The following RSPO1 variants were observed in gnomAD, a reference collection of about 807,000 sequenced individuals.
The protein encoded by RSPO1 is R-spondin-1.
In RSPO1, 18 loss-of-function variants were observed where a neutral mutation model predicts 26.0. The ratio of observed to expected loss-of-function variants is 0.69; its 90% CI spans 0.48 to 1.03. The LOEUF is 1.03. Among genes scored for constraint, RSPO1 ranks in the 50% least tolerant of loss-of-function variants. The pLI is 0.00. For synonymous variants in RSPO1, 133 were observed against 137.4 expected, an observed-to-expected ratio of 0.97 and a Z score of 0.22; for missense variants, 309 against 352.3, an observed-to-expected ratio of 0.88 and a Z score of 0.98.
intron 3 of RSPO1, among the ~76,000 whole-genome samples, chr1:37,623,177 C>G (rs1644227886): frequency 7.3e-6 from 1 of 136,800 alleles, no homozygotes; most frequent in African/African-American, 2.8e-5. Context: ...GGGTGTTTAT[C>G]AAGGGGGACA....
chr1:37,613,830 C>G lies in RSPO1; in HGVS notation c.499G>C (p.Gly167Arg). Residue 167 changes from glycine to arginine, a missense_variant, in exon 6 of 7, where the codon GGT (glycine) becomes CGT (arginine). Physicochemically the swap from Gly to Arg is moderately radical, Grantham distance 125 (BLOSUM62 -2). Transcript: ENST00000356545. This position sits in a 1 kb window ranked among gnomAD's most constrained non-coding sequence, Gnocchi z 4.5. ...CGCTCCTCGGAGCCCCTCCGGAAAC[C>G]ACAGAGCTGCTGCTTCTTGGAGCAG... Reference protein sequence around the residue: ...GPCSKKQQLCGFRRGSEERTR... With the variant: ...GPCSKKQQLCRFRRGSEERTR... 6.2e-7 allele frequency: 1 copy of G among 1,614,114 alleles called. No homozygotes were observed. Among genetic ancestry groups the G allele is most frequent in the South Asian group, 1.1e-5 (1 of 91,086 alleles).
chr1:37,626,621 C>G (rs1331263777), intron 3 of RSPO1, among the ~76,000 whole-genome samples: 3 of 152,096 alleles, frequency 2.0e-5, no homozygotes, highest in African/African-American at 7.2e-5. Flanking sequence ...ACTGGGGATT[C>G]AGTGAGGGAT....
At chr1:37,625,517 G>A (rs2148177948) in intron 3 of RSPO1, among the ~76,000 whole-genome samples, 1 of 152,202 alleles carries the variant, frequency 6.6e-6, no homozygotes, top group African/African-American at 2.4e-5. Context: ...GGCGAGGGTA[G>A]GAGGATAGGT....
At chr1:37,630,089 A>T in intron 2 of RSPO1, 140 bp from the exon 3 acceptor site, 2 of 596,106 alleles carry the variant, frequency 3.4e-6, no homozygotes, top group South Asian at 4.4e-5. Flanking sequence ...TCTAGAAGAA[A>T]TCTGCTCCTT....
At chr1:37,617,252 A>G (rs1255644370) in intron 3 of RSPO1, among the ~76,000 whole-genome samples, 1 of 152,186 alleles carries the variant, frequency 6.6e-6, no homozygotes, top group Non-Finnish European at 1.5e-5. Flanking sequence ...TAGTGGCATC[A>G]AGTGGGTAGA....
intron 3 of RSPO1, among the ~76,000 whole-genome samples, chr1:37,622,310 G>A (rs554478654): frequency 3.3e-5 from 5 of 152,268 alleles, no homozygotes; most frequent in Middle Eastern, 3.4e-3. Flanking sequence ...GCAGTTGTTC[G>A]GCAGTGAAAG....
rs1229291721 is a variant in RSPO1 at position 37,616,590 on chromosome 1, C to G, written c.180G>C (p.Leu60=). Reference sequence around the variant, plus strand: ...TGTCGTTCCTCTCCAGCAGGATGAACAGCTTGGGTGAGCACTTGAGGCAGC... The same window carrying G: ...TGTCGTTCCTCTCCAGCAGGATGAAGAGCTTGGGTGAGCACTTGAGGCAGC... The part of the protein sequence containing the change: ...VNGCLKCSPK[L]FILLERNDIR... The change falls in exon 4 of 7, where the codon CTG becomes CTC. Residue 60 remains leucine (L), a synonymous_variant. Transcript: ENST00000356545. 11 of 1,614,062 alleles carry G rather than the reference C, an allele frequency of 6.8e-6. No homozygotes were observed. The highest frequency in any genetic ancestry group is 8.5e-6 in the Non-Finnish European group (10 of 1,180,038).
chr1:37,616,402 CAG>C, intron 4 of RSPO1, 80 bp downstream of exon 4: 1 of 1,378,582 alleles, frequency 7.3e-7, no homozygotes, highest in Non-Finnish European at 1.0e-6. Flanking sequence ...CTCCTCTTGC[CAG>C]CCACCAATGG....
chr1:37,619,686 C>G (rs759873316), intron 3 of RSPO1, among the ~76,000 whole-genome samples: 2 of 152,116 alleles, frequency 1.3e-5, no homozygotes, highest in South Asian at 4.1e-4. Context: ...AGTATTAACT[C>G]ATTTAATCCT....
chr1:37,626,100 CCTTGATGAAAGCCT>C (rs1644272536), intron 3 of RSPO1, among the ~76,000 whole-genome samples: 1 of 152,080 alleles, frequency 6.6e-6, no homozygotes, highest in Admixed American at 6.6e-5. Flanking sequence ...GCTCTGGGCT[CCTTGATGAAAGCCT>C]CAGTAGCTCC....
chr1:37,620,012 G>A (rs921554349), intron 3 of RSPO1, among the ~76,000 whole-genome samples: 1 of 152,080 alleles, frequency 6.6e-6, no homozygotes, highest in African/African-American at 2.4e-5. Flanking sequence ...GCCTCCCAAA[G>A]TGCTGAGATT....
chr1:37,618,634 T>A (rs907923891), intron 3 of RSPO1, among the ~76,000 whole-genome samples: 18 of 151,992 alleles, frequency 1.2e-4, no homozygotes, highest in African/African-American at 4.4e-4. Context: ...AAGACAGATT[T>A]GAGAGATGCT....
In RSPO1 at chr1:37,616,551, G is replaced by A. The variant is rs375442568; in HGVS notation, c.219C>T (p.Gly73=). 2.0e-5 allele frequency: 32 copies of A among 1,614,058 alleles called. No individual in the cohort carries two copies. The highest frequency in any genetic ancestry group is 2.7e-5 in the African/African-American group (2 of 74,922). ...CAGGTGGGCAGGACGGCAAGCAGAC[G>A]CCCACCTGGCGGATGTCGTTCCTCT... The part of the protein sequence containing the change: ...LLERNDIRQV[G]VCLPSCPPGY... The change falls in exon 4 of 7, where the codon GGC becomes GGT. Residue 73 remains glycine (G), a synonymous_variant. Coordinates refer to ENST00000356545, the MANE Select transcript of RSPO1 (RefSeq NM_001242908.2).
intron 3 of RSPO1, among the ~76,000 whole-genome samples, chr1:37,627,506 C>T (rs1173931196): frequency 2.0e-5 from 3 of 151,962 alleles, no homozygotes; most frequent in Admixed American, 1.3e-4. Flanking sequence ...AAAAATTAGC[C>T]AGGCATGGTG....
intron 4 of RSPO1, 135 bp from the exon 5 acceptor site, chr1:37,614,468 A>AC: frequency 1.1e-6 from 1 of 942,166 alleles, no homozygotes; most frequent in Non-Finnish European, 1.7e-6. Flanking sequence ...AGCTGCAGGT[A>AC]CTGCAGAGGA....
At position 37,613,664 on chromosome 1, in the gene RSPO1, C is replaced by G. The variant is rs745637869; in HGVS notation, c.625+40G>C. ...GTGGCAGGACCTGTCATGGCTGGTG[C>G]CTGAGCCCTGACCCCAGGGAGGCAG... On this transcript the variant is annotated intron_variant, in intron 6 of 6. Transcript: ENST00000356545. This position sits in a 1 kb window ranked among gnomAD's most constrained non-coding sequence, Gnocchi z 4.5. 1.9e-6 allele frequency: 3 copies of G among 1,555,134 alleles called. No homozygotes were observed. The highest frequency in any genetic ancestry group is 2.3e-5 in the East Asian group (1 of 43,430).
chr1:37,628,164 T>C (rs571789307), intron 3 of RSPO1, among the ~76,000 whole-genome samples: 2 of 152,244 alleles, frequency 1.3e-5, no homozygotes, highest in African/African-American at 4.8e-5. Flanking sequence ...ATGTGAATGG[T>C]TCCTCCCATT....
chr1:37,628,146 T>C (rs1644305365), intron 3 of RSPO1, among the ~76,000 whole-genome samples: 1 of 152,166 alleles, frequency 6.6e-6, no homozygotes, highest in South Asian at 2.1e-4. Context: ...CATGTACACA[T>C]TGCATGAATG....
intron 3 of RSPO1, 33 bp from the exon 4 acceptor site, chr1:37,616,708 T>C (rs867788566): frequency 2.5e-6 from 4 of 1,598,962 alleles, no homozygotes; most frequent in African/African-American, 2.7e-5. Flanking sequence ...AGAAGGCGGC[T>C]GTGGAGAGAA....
Sources: gnomAD v4.1 joint callset for allele counts (sites outside exome capture counted in the v4.1 genomes callset) on GRCh38, gnomAD v4.1.1 for gene constraint, Gnocchi (gnomAD v3.1) non-coding constraint, MANE v1.5 for transcripts, NCBI Gene and HGNC (gene_info 2026-07-23, HGNC 2026-07-21) for gene names.